LRP2: variants seen among roughly 807,000 people sequenced by gnomAD.
LRP2 encodes the protein low-density lipoprotein receptor-related protein 2.
A neutral mutation model predicts 531.0 loss-of-function variants in LRP2; 172 were observed. The observed-to-expected ratio is 0.32, with a 90% CI of 0.29 to 0.37. LRP2 has a LOEUF of 0.37. Among genes scored for constraint, LRP2 ranks in the 10% least tolerant of loss-of-function variants. The pLI is 1.00. For missense variants in LRP2, 5,167 were observed against 5,868.3 expected, an observed-to-expected ratio of 0.88 and a Z score of 3.90; for synonymous variants, 1,992 against 2,027.6, an observed-to-expected ratio of 0.98 and a Z score of 0.47.
chr2:169,324,426 A>G (rs989901188), intron 1 of LRP2, among the ~76,000 whole-genome samples: 1 of 152,238 alleles, frequency 6.6e-6, no homozygotes, highest in Non-Finnish European at 1.5e-5. Context: ...CATAGAATCC[A>G]TAGTGCTTAT....
chr2:169,134,171 C>G (rs1461412921), intron 76 of LRP2, among the ~76,000 whole-genome samples: 1 of 150,920 alleles, frequency 6.6e-6, no homozygotes, highest in Non-Finnish European at 1.5e-5. Flanking sequence ...CTGTTTTAGC[C>G]TAGCCCTCAT....
At chr2:169,152,152 A>G (rs1254899590) in intron 67 of LRP2, among the ~76,000 whole-genome samples, 1 of 152,196 alleles carries the variant, frequency 6.6e-6, no homozygotes, top group Non-Finnish European at 1.5e-5. Context: ...ACCTGATGAT[A>G]ACCCTACTTA....
At chr2:169,304,315 A>G (rs2105487487) in intron 4 of LRP2, among the ~76,000 whole-genome samples, 1 of 152,266 alleles carries the variant, frequency 6.6e-6, no homozygotes, top group East Asian at 1.9e-4. Context: ...CAATCACCAG[A>G]CTTGGAACTA....
At chr2:169,226,626 C>A in intron 31 of LRP2, 38 bp from the exon 32 acceptor site, 1 of 1,489,100 alleles carries the variant, frequency 6.7e-7, no homozygotes, top group South Asian at 1.1e-5. Flanking sequence ...AATCATATCC[C>A]ACTATTCCCA....
chr2:169,244,027 G>A (rs887780979), intron 22 of LRP2, among the ~76,000 whole-genome samples: 3 of 152,152 alleles, frequency 2.0e-5, no homozygotes, highest in Admixed American at 2.0e-4. Context: ...GCAGTGGCTG[G>A]CCCCACCCAC....
At chr2:169,341,068 C>T (rs1369053169) in intron 1 of LRP2, among the ~76,000 whole-genome samples, 3 of 152,088 alleles carry the variant, frequency 2.0e-5, no homozygotes. Flanking sequence ...AGGAGACATG[C>T]TGTAAGAGAG....
chr2:169,146,656 G>T, intron 69 of LRP2, 83 bp downstream of exon 69: 9 of 1,178,914 alleles, frequency 7.6e-6, no homozygotes, highest in African/African-American at 1.5e-5. Flanking sequence ...TAAGAGCAGG[G>T]CTCCTTCTTG....
chr2:169,183,301 T>C (rs1301128310), intron 50 of LRP2, among the ~76,000 whole-genome samples: 1 of 152,226 alleles, frequency 6.6e-6, no homozygotes, highest in East Asian at 1.9e-4. Context: ...TGAGTATCCA[T>C]ATATGTACAA....
intron 6 of LRP2, 78 bp downstream of exon 6, chr2:169,294,070 G>A: frequency 1.0e-6 from 1 of 962,820 alleles, no homozygotes; most frequent in Non-Finnish European, 1.7e-6. Flanking sequence ...TGGGGGAGCG[G>A]GGGGATAAAA....
chr2:169,290,264 CTTTTTTTTTTTTTT>C (rs11463198), intron 8 of LRP2, among the ~76,000 whole-genome samples: 5 of 56,932 alleles, frequency 8.8e-5, no homozygotes, highest in Non-Finnish European at 1.5e-4. Flanking sequence ...GAACCAGAAG[CTTTTTTTTTTTTTT>C]TTTTTTTTTT....
intron 58 of LRP2, among the ~76,000 whole-genome samples, chr2:169,171,403 T>G (rs1293377452): frequency 2.0e-5 from 3 of 152,190 alleles, no homozygotes; most frequent in Non-Finnish European, 4.4e-5. Context: ...CCATCTAATT[T>G]GATATGATCT....
chr2:169,241,029 A>G lies in LRP2; in HGVS notation c.4004T>C (p.Ile1335Thr). The G allele has an allele frequency of 6.2e-7, 1 of 1,614,090 alleles. No homozygotes were observed. Among genetic ancestry groups the G allele is most frequent in the Non-Finnish European group, 8.5e-7 (1 of 1,180,032 alleles). Reference sequence around the variant, plus strand: ...ATCTGTCCCATTGGGGCAGTCAAAGATGCCATCACACACTACACTCAGATT... The same window carrying G: ...ATCTGTCCCATTGGGGCAGTCAAAGGTGCCATCACACACTACACTCAGATT... Reference protein sequence around the residue: ...CVNLSVVCDGIFDCPNGTDES... With the variant: ...CVNLSVVCDGTFDCPNGTDES... The change falls in exon 25 of 79, where the codon ATC becomes ACC. Residue 1335 changes from isoleucine (I) to threonine (T), a missense_variant. Physicochemically the swap from Ile to Thr is moderately conservative, Grantham distance 89. Around this residue, in one of 6 missense-constraint regions of LRP2, gnomAD observed 2,811 missense variants for 3,058.0 expected, o/e 0.92. Coordinates refer to ENST00000649046, the MANE Select transcript of LRP2 (RefSeq NM_004525.3).
At chr2:169,145,130 G>A (rs1685861522) in intron 70 of LRP2, among the ~76,000 whole-genome samples, 1 of 152,190 alleles carries the variant, frequency 6.6e-6, no homozygotes. Flanking sequence ...TAACACTGAA[G>A]AGAGAATTTG....
intron 3 of LRP2, among the ~76,000 whole-genome samples, chr2:169,311,903 A>G (rs1175525486): frequency 1.3e-5 from 2 of 152,116 alleles, no homozygotes; most frequent in Middle Eastern, 3.2e-3. Flanking sequence ...GTGCATATAT[A>G]TTTAGGATAG....
rs553206307 is a variant in LRP2 at position 169,172,134 on chromosome 2, T to C, written c.11144A>G (p.Glu3715Gly). 1.2e-6 allele frequency: 2 copies of C among 1,614,148 alleles called. No homozygotes were observed. The highest frequency in any genetic ancestry group is 1.1e-5 in the South Asian group (1 of 91,088). ...CCCCACAGGATGGCATGTCCTCTCC[T>C]CTGCAAAGCAGTCATTGCAAAGACT... ...CRDNSDEQGCEERTCHPVGDF... is the reference protein window; with the variant it reads ...CRDNSDEQGCGERTCHPVGDF... Residue 3715 changes from glutamate to glycine, a missense_variant and splice_region_variant, in exon 58 of 79, where the codon GAG (glutamate) becomes GGG (glycine). Physicochemically the swap from Glu to Gly is moderately conservative, Grantham distance 98. This residue lies in a region of LRP2 where 311 missense variants were observed against 309.4 expected (regional missense o/e 1.01). Transcript: ENST00000649046.
chr2:169,175,709 T>A (rs1687167344), intron 54 of LRP2, among the ~76,000 whole-genome samples: 1 of 152,130 alleles, frequency 6.6e-6, no homozygotes, highest in South Asian at 2.1e-4. Flanking sequence ...CAGTGATTGG[T>A]TGAGATTGTC....
intron 1 of LRP2, among the ~76,000 whole-genome samples, chr2:169,339,333 T>G (rs894951611): frequency 6.6e-6 from 1 of 152,128 alleles, no homozygotes; most frequent in African/African-American, 2.4e-5. Flanking sequence ...ATGTCTAAGA[T>G]TCACAAAACA....
chr2:169,171,945 G>C (rs1415425705), intron 58 of LRP2, 70 bp downstream of exon 58: 1 of 1,594,626 alleles, frequency 6.3e-7, no homozygotes, highest in Non-Finnish European at 8.6e-7. Context: ...ATAGACAGTT[G>C]AATTATGGAC....
chr2:169,312,698 G>A (rs533776895), intron 3 of LRP2, among the ~76,000 whole-genome samples: 3 of 152,110 alleles, frequency 2.0e-5, no homozygotes, highest in African/African-American at 7.2e-5. Context: ...TGCTCTTCTC[G>A]AGGTATGTCT....
Sources: allele counts gnomAD v4.1 joint callset (sites outside exome capture counted in the v4.1 genomes callset), GRCh38; gene constraint gnomAD v4.1.1; regional missense constraint gnomAD v4.1.1; transcripts MANE v1.5; gene names NCBI Gene and HGNC (gene_info 2026-07-23, HGNC 2026-07-21).